Variants in TRIM55 observed in about 807,000 individuals in gnomAD.
TRIM55 encodes tripartite motif-containing protein 55.
Under a neutral mutation model 60.9 loss-of-function variants are expected in TRIM55, and 50 were observed. The ratio of observed to expected loss-of-function variants is 0.82; its 90% CI spans 0.65 to 1.04. The LOEUF is 1.04. TRIM55 is among the 50% of genes least tolerant of loss of function. The pLI is 0.00. For synonymous variants in TRIM55, 237 were observed against 238.1 expected (o/e 1.00, Z 0.04); for missense variants, 681 against 666.9 (o/e 1.02, Z -0.23).
chr8:66,127,781 G>T (rs1212317140), intron 1 of TRIM55, among the ~76,000 whole-genome samples: 1 of 152,216 alleles, frequency 6.6e-6, no homozygotes, highest in Non-Finnish European at 1.5e-5. Context: ...ATTGCAGCGA[G>T]CGGAGATCGT....
At chr8:66,114,563 G>T in the TRIM55 span, 1 of 456,294 alleles carries the variant, frequency 2.2e-6, no homozygotes. Context: ...CATTTCCAGG[G>T]ACTCATCTGA....
At chr8:66,160,754 T>C (rs1005318794) in intron 9 of TRIM55, among the ~76,000 whole-genome samples, 1 of 152,180 alleles carries the variant, frequency 6.6e-6, no homozygotes, top group African/African-American at 2.4e-5. Context: ...TTGATTTGCA[T>C]TTCCCTGATA....
chr8:66,134,926 C>T (rs1809387828), intron 2 of TRIM55, 64 bp from the exon 3 acceptor site: 4 of 1,552,246 alleles, frequency 2.6e-6, no homozygotes, highest in Non-Finnish European at 3.5e-6. Context: ...GCAACATCAG[C>T]TCTGCCTTGA....
intron 2 of TRIM55, among the ~76,000 whole-genome samples, chr8:66,132,539 GC>G (rs1485798958): frequency 5.3e-5 from 8 of 152,042 alleles, no homozygotes; most frequent in African/African-American, 1.9e-4. Flanking sequence ...CTCTAGGGTG[GC>G]CCCGGGAACC....
intron 4 of TRIM55, among the ~76,000 whole-genome samples, chr8:66,143,018 A>G (rs1044572524): frequency 3.3e-5 from 5 of 152,190 alleles, no homozygotes; most frequent in African/African-American, 1.2e-4. Context: ...GGTTGGTGGC[A>G]GGAAATCCTG....
chr8:66,148,713 T>G (rs549234773), intron 4 of TRIM55, among the ~76,000 whole-genome samples: 2 of 152,094 alleles, frequency 1.3e-5, no homozygotes, highest in South Asian at 2.1e-4. Flanking sequence ...GTTAGGAAGT[T>G]TAAGTGTTAT....
intron 3 of TRIM55, 84 bp from the exon 4 acceptor site, chr8:66,137,011 T>C: frequency 1.7e-6 from 2 of 1,161,106 alleles, no homozygotes; most frequent in Admixed American, 2.2e-5. Flanking sequence ...ATTAAGAACC[T>C]GTAAAGACAA....
At chr8:66,116,606 CAAA>C in the TRIM55 span, among the ~76,000 whole-genome samples, 7 of 48,120 alleles carry the variant, frequency 1.5e-4, no homozygotes, top group Non-Finnish European at 1.0e-4. Flanking sequence ...GACCCTGTCT[CAAA>C]AAAAAAAAAA....
chr8:66,119,791 T>C, the TRIM55 span, among the ~76,000 whole-genome samples: 1 of 152,206 alleles, frequency 6.6e-6, no homozygotes, highest in African/African-American at 2.4e-5. Flanking sequence ...TTGTCTAGTA[T>C]AATAACCACT....
intron 8 of TRIM55, among the ~76,000 whole-genome samples, chr8:66,153,275 A>C (rs1008680732): frequency 2.6e-5 from 4 of 152,214 alleles, no homozygotes; most frequent in Admixed American, 2.0e-4. Flanking sequence ...TGTTTAAAAC[A>C]TATCTTAAGA....
intron 2 of TRIM55, among the ~76,000 whole-genome samples, chr8:66,132,841 T>C (rs10092687): frequency 0.26 from 39,763 of 152,112 alleles, 8,779 homozygotes; most frequent in African/African-American, 0.6. Flanking sequence ...TATGGGAAAT[T>C]GTTCTCAGTG....
At position 66,155,740 on chromosome 8, in the gene TRIM55, A is replaced by G. The variant is rs369296604; in HGVS notation, c.1524+1406A>G. 19 of 1,413,582 alleles carry G rather than the reference A, an allele frequency of 1.3e-5. No homozygotes were observed. The African/African-American group carries it at 2.1e-4, about 16-fold the overall frequency. The allele number at this position is 1,413,582 out of a possible 1,614,324, so 87.6% of individuals were successfully genotyped here. A position where few individuals can be genotyped will look rare whatever the true frequency, so the allele number is the denominator to read the frequency against. Reference sequence around the variant, plus strand: ...GAAATATTTTCTTTTCCCTTGACTAACATCTCACATAGTTTCTTCCATAAT... The same window carrying G: ...GAAATATTTTCTTTTCCCTTGACTAGCATCTCACATAGTTTCTTCCATAAT... On this transcript the variant is annotated intron_variant, in intron 9 of 9. Transcript: ENST00000315962.
At position 66,137,185 on chromosome 8, in the gene TRIM55, A is replaced by G. The variant is rs1036901769; in HGVS notation, c.598A>G (p.Ile200Val). ...CCAGCTGGAAGACACCTGCAAAACT[A>G]TCGAGGTGAGTCAGGTGACTCCCAC... ...ISQLEDTCKT[I>V]EECCRKQKQE... The change falls in exon 4 of 10, where the codon ATC becomes GTC. Residue 200 changes from isoleucine to valine, a missense_variant. By Grantham distance (29) the Ile-to-Val change is conservative. Transcript: ENST00000315962. 3 of 1,613,864 alleles carry G rather than the reference A, an allele frequency of 1.9e-6. No individual in the cohort carries two copies. Among genetic ancestry groups the G allele is most frequent in the Middle Eastern group, 3.3e-4 (2 of 6,028 alleles).
At chr8:66,162,871 G>A (rs954233683) in intron 9 of TRIM55, among the ~76,000 whole-genome samples, 2 of 152,056 alleles carry the variant, frequency 1.3e-5, no homozygotes, top group Middle Eastern at 3.2e-3. Flanking sequence ...TATAGTGTTA[G>A]CTCTTAAATT....
chr8:66,152,388 G>A lies in TRIM55; in HGVS notation c.997G>A (p.Glu333Lys), dbSNP rs1810479902. 1.3e-6 allele frequency: 2 copies of A among 1,566,822 alleles called. No homozygotes were observed. Among genetic ancestry groups the A allele is most frequent in the Non-Finnish European group, 1.7e-6 (2 of 1,150,496 alleles). ...EIDFYREDED[E>K]EEEEGGEGEK... ...CCTTACCTTACCAGAAGATGAAGAT[G>A]AAGAAGAAGAAGAAGGCGGAGAAGG... is the stretch of plus-strand genomic sequence containing the variant. The change falls in exon 8 of 10, where the codon GAA (glutamate) becomes AAA (lysine). Residue 333 changes from glutamate to lysine, a missense_variant. Physicochemically the swap from Glu to Lys is moderately conservative, Grantham distance 56. Coordinates refer to ENST00000315962, the MANE Select transcript of TRIM55 (RefSeq NM_184085.2).
chr8:66,151,495 T>C (rs979681470), intron 7 of TRIM55, among the ~76,000 whole-genome samples: 5 of 152,176 alleles, frequency 3.3e-5, no homozygotes, highest in African/African-American at 1.2e-4. Flanking sequence ...ATCTTTAGGA[T>C]GTATCTTTTT....
At chr8:66,160,652 G>T (rs553167738) in intron 9 of TRIM55, among the ~76,000 whole-genome samples, 7 of 151,956 alleles carry the variant, frequency 4.6e-5, no homozygotes, top group African/African-American at 1.4e-4. Context: ...AGTGTAAATT[G>T]TTCCCTTGTC....
intron 9 of TRIM55, among the ~76,000 whole-genome samples, chr8:66,165,141 G>A (rs1054115613): frequency 2.0e-4 from 31 of 152,066 alleles, no homozygotes; most frequent in African/African-American, 5.3e-4. Flanking sequence ...AAGGTTCAGC[G>A]CCCTTGAAAA....
rs756807729 is a variant in TRIM55 at position 66,152,584 on chromosome 8, C to T, written c.1193C>T (p.Pro398Leu). The T allele has an allele frequency of 6.2e-7, 1 of 1,614,104 alleles. No homozygotes were observed. Among genetic ancestry groups the T allele is most frequent in the East Asian group, 2.2e-5 (1 of 44,872 alleles). Residue 398 changes from proline to leucine, a missense_variant, in exon 8 of 10, where the codon CCA becomes CTA. Transcript: ENST00000315962. ...PGALPVSSPEPPPALPPAADA... is the reference protein window; with the variant it reads ...PGALPVSSPELPPALPPAADA... ...GCACTTCCAGTTTCCTCTCCAGAGC[C>T]ACCTCCAGCCCTGCCACCTGCTGCG... is the stretch of plus-strand genomic sequence containing the variant.
Sources: gnomAD v4.1 joint callset for allele counts (sites outside exome capture counted in the v4.1 genomes callset) on GRCh38, gnomAD v4.1.1 for gene constraint, MANE v1.5 for transcripts, NCBI Gene and HGNC (gene_info 2026-07-23, HGNC 2026-07-21) for gene names.